The following HECTD4 variants were observed in gnomAD, a reference collection of about 807,000 sequenced individuals.
HECTD4 encodes the protein probable E3 ubiquitin-protein ligase HECTD4.
Under a neutral mutation model 471.5 loss-of-function variants are expected in HECTD4, and 114 were observed. The observed-to-expected ratio is 0.24, with a 90% CI of 0.21 to 0.28. HECTD4 has a LOEUF of 0.28. Ranked by LOEUF, HECTD4 falls within the 10% of genes least tolerant of loss-of-function variation. The probability of loss-of-function intolerance (pLI) is 1.00; values close to 1 mark genes in which losing one functional copy is unlikely to be tolerated. For missense variants in HECTD4, 3,866 were observed against 5,651.5 expected (o/e 0.68, Z 10.13); for synonymous variants, 2,012 against 2,256.0 (o/e 0.89, Z 3.07).
chr12:112,310,914 G>A (rs1193745342), intron 4 of HECTD4, among the ~76,000 whole-genome samples: 1 of 152,138 alleles, frequency 6.6e-6, no homozygotes, highest in African/African-American at 2.4e-5. Context: ...AGTACACAGG[G>A]CTTATTATAG....
chr12:112,279,238 T>C lies in HECTD4; in HGVS notation c.1677A>G (p.Ser559=), dbSNP rs373751710. The change falls in exon 9 of 76, where the codon TCA becomes TCG. Residue 559 remains serine, a synonymous_variant. Transcript: ENST00000682272. ...GTAAAATTCACTTACTTTTTAAAGATGACAAACCACTTGTTCCACCAAAAA... is the reference window on the plus strand; with the variant it reads ...GTAAAATTCACTTACTTTTTAAAGACGACAAACCACTTGTTCCACCAAAAA... The part of the protein sequence containing the change: ...RSLFGGTSGL[S]SLKILASSLV... The C allele has an allele frequency of 1.4e-5, 22 of 1,607,562 alleles. 1 individual carries two copies. The Middle Eastern group carries it at 8.3e-4, about 60-fold the overall frequency.
intron 4 of HECTD4, among the ~76,000 whole-genome samples, 190 bp from the exon 5 acceptor site, chr12:112,309,859 T>C (rs1594032842): frequency 1.3e-5 from 2 of 152,308 alleles, no homozygotes; most frequent in East Asian, 3.9e-4. Context: ...AAAATGCATG[T>C]GGACCAGAGA....
chr12:112,222,817 G>A (rs2033136669), intron 44 of HECTD4, among the ~76,000 whole-genome samples: 1 of 152,164 alleles, frequency 6.6e-6, no homozygotes, highest in Admixed American at 6.5e-5. Context: ...CTGGGTGACA[G>A]AGCGAAACCC....
At chr12:112,250,000 T>C in intron 25 of HECTD4, 144 bp downstream of exon 25, 2 of 699,930 alleles carry the variant, frequency 2.9e-6, no homozygotes, top group Non-Finnish European at 4.8e-6. Context: ...TGGTGGGCCC[T>C]CTAGACTCAG....
At chr12:112,222,355 C>T (rs1255000443) in intron 44 of HECTD4, among the ~76,000 whole-genome samples, 1 of 152,114 alleles carries the variant, frequency 6.6e-6, no homozygotes, top group African/African-American at 2.4e-5. Context: ...CAGCACCTGG[C>T]CCTCATTTTT....
intron 8 of HECTD4, among the ~76,000 whole-genome samples, chr12:112,281,878 G>A (rs1369383134): frequency 6.6e-6 from 1 of 152,068 alleles, no homozygotes; most frequent in South Asian, 2.1e-4. Context: ...TTTTACTGCA[G>A]TTCATAGTTT....
chr12:112,324,412 G>A (rs989321933), intron 1 of HECTD4, among the ~76,000 whole-genome samples: 4 of 151,970 alleles, frequency 2.6e-5, no homozygotes, highest in African/African-American at 9.6e-5. Flanking sequence ...GATCCACTGC[G>A]CTCAGCTACT....
At chr12:112,339,538 A>G (rs2036018514) in intron 1 of HECTD4, among the ~76,000 whole-genome samples, 1 of 152,080 alleles carries the variant, frequency 6.6e-6, no homozygotes, top group African/African-American at 2.4e-5. Flanking sequence ...GGTACTAGTA[A>G]GGGTCTATAT....
rs1328222087 is a variant in HECTD4 at position 112,185,255 on chromosome 12, C to T, written c.9711G>A (p.Gly3237=). 5.2e-6 allele frequency: 8 copies of T among 1,549,914 alleles called. No individual in the cohort carries two copies. The highest frequency in any genetic ancestry group is 1.4e-5 in the African/African-American group (1 of 73,030). Residue 3237 remains glycine (G), a synonymous_variant, in exon 61 of 76, where the codon GGG becomes GGA. Coordinates refer to ENST00000682272, the MANE Select transcript of HECTD4 (RefSeq NM_001388303.1). ...CACCGGCCGCCGCCCCCCCGGAGCC[C>T]CCGCAGGCGCCGCCTGAGACCCAGT... is the stretch of plus-strand genomic sequence containing the variant. ...TQNWVSGGAC[G]GSGGAAAGDQ... is the part of the protein sequence containing the mutation.
chr12:112,261,469 G>T, intron 17 of HECTD4, 40 bp from the exon 18 acceptor site: 1 of 1,555,650 alleles, frequency 6.4e-7, no homozygotes, highest in South Asian at 1.1e-5. Context: ...TAAGCTTTGT[G>T]ATGAACATAC....
At chr12:112,330,014 C>T (rs112518947) in intron 1 of HECTD4, among the ~76,000 whole-genome samples, 11 of 151,932 alleles carry the variant, frequency 7.2e-5, no homozygotes, top group Non-Finnish European at 1.5e-4. Context: ...CAGTGGCTCA[C>T]GCCTATAATA....
rs899765552 is a variant in HECTD4 at position 112,287,950 on chromosome 12, T to A, written c.1336-4648A>T. On this transcript the variant is annotated intron_variant, in intron 7 of 75. Coordinates refer to ENST00000682272, the MANE Select transcript of HECTD4 (RefSeq NM_001388303.1). ...CACATTGGTGGCCCCTAATGAATGATGCATCCTTGTATTCATGCCCTTGTA... is the reference window on the plus strand; with the variant it reads ...CACATTGGTGGCCCCTAATGAATGAAGCATCCTTGTATTCATGCCCTTGTA... Among the ~76,000 whole-genome samples, 5 of 152,234 alleles carry A rather than the reference T, an allele frequency of 3.3e-5. No homozygotes were observed. The South Asian group carries it at 1.0e-3, about 32-fold the overall frequency.
rs1245609400 is a variant in HECTD4 at position 112,228,587 on chromosome 12, C to T, written c.6684+60G>A. ...CTTCTGCACTGAGCATGTGCATAGA[C>T]TCATTACAGTACAGTTACCATTGGC... On this transcript the variant is annotated intron_variant, in intron 42 of 75. Coordinates refer to ENST00000682272, the MANE Select transcript of HECTD4 (RefSeq NM_001388303.1). The surrounding 1 kb of genome is among the most constrained non-coding windows in gnomAD (Gnocchi z 4.9). 8 of 1,445,382 alleles carry T rather than the reference C, an allele frequency of 5.5e-6. No homozygotes were observed. The highest frequency in any genetic ancestry group is 7.5e-6 in the Non-Finnish European group (8 of 1,060,748). 89.5% of individuals were successfully genotyped at this position (1,445,382 alleles called of 1,614,324 possible).
In HECTD4 at chr12:112,247,548, G is replaced by C; in HGVS notation, c.4251C>G (p.Asn1417Lys). 1 of 1,459,798 alleles carries C rather than the reference G, an allele frequency of 6.9e-7. No homozygotes were observed. The highest frequency in any genetic ancestry group is 9.2e-7 in the Non-Finnish European group (1 of 1,084,986). 90.4% of individuals were successfully genotyped at this position (1,459,798 alleles called of 1,614,324 possible). ...PFFYDYHFNE[N>K]KMKELELLCS... is the part of the protein sequence containing the mutation. The stretch of plus-strand genomic sequence containing the variant: ...ATAAAAGTTCTAGTTCTTTCATTTT[G>C]TTCTAAAGAAAAAAAAGATGGTATG... The change falls in exon 28 of 76, where the codon AAC becomes AAG. Residue 1417 changes from asparagine to lysine, a missense_variant and splice_region_variant. Coordinates refer to ENST00000682272, the MANE Select transcript of HECTD4 (RefSeq NM_001388303.1).
intron 7 of HECTD4, among the ~76,000 whole-genome samples, chr12:112,305,238 C>T (rs2035249580): frequency 1.3e-5 from 2 of 152,136 alleles, no homozygotes; most frequent in Admixed American, 6.5e-5. Flanking sequence ...TAAATAGCAA[C>T]GTATGGCTAG....
At chr12:112,229,919 TTTGG>T in intron 40 of HECTD4, 39 bp from the exon 41 acceptor site, 3 of 1,549,486 alleles carry the variant, frequency 1.9e-6, no homozygotes, top group Non-Finnish European at 2.6e-6. Flanking sequence ...GAGTTAAAGC[TTTGG>T]TTGTTTTGAT....
chr12:112,367,820 CAAAAAAAAAAAAAAA>C (rs59590181), intron 1 of HECTD4, among the ~76,000 whole-genome samples: 3 of 12,564 alleles, frequency 2.4e-4, no homozygotes, highest in Non-Finnish European at 6.3e-4. Flanking sequence ...GACTCCATCT[CAAAAAAAAAAAAAAA>C]AAAAAAAAAA....
chr12:112,199,081 G>A (rs189456538), intron 55 of HECTD4, among the ~76,000 whole-genome samples: 4 of 152,312 alleles, frequency 2.6e-5, no homozygotes, highest in South Asian at 2.1e-4. Context: ...TTGAGCCGCC[G>A]GCCGCAGGAG....
rs2030783520 is a variant in HECTD4, at chr12:112,163,433, C to T, written c.12897+109G>A. The T allele has an allele frequency of 9.1e-7, 1 of 1,102,704 alleles. No individual in the cohort carries two copies. Among genetic ancestry groups the T allele is most frequent in the East Asian group, 2.6e-5 (1 of 38,070 alleles). 68.3% of individuals were successfully genotyped at this position (1,102,704 alleles called of 1,614,324 possible). ...CAATGATACAGGTCTGTGGCAAGGA[C>T]AGAGCTGAGACAGGCCACTGCCGAT... On this transcript the variant is annotated intron_variant, in intron 74 of 75. Transcript: ENST00000682272. The surrounding 1 kb of genome is among the most constrained non-coding windows in gnomAD (Gnocchi z 8.2).
Sources: gnomAD v4.1 joint callset for allele counts (sites outside exome capture counted in the v4.1 genomes callset) on GRCh38, gnomAD v4.1.1 for gene constraint, Gnocchi (gnomAD v3.1) non-coding constraint, MANE v1.5 for transcripts, NCBI Gene and HGNC (gene_info 2026-07-23, HGNC 2026-07-21) for gene names.